Variants in NCALD observed in about 807,000 individuals in gnomAD.
The protein encoded by NCALD is neurocalcin-delta.
A neutral mutation model predicts 18.6 loss-of-function variants in NCALD; 10 were observed. The observed-to-expected ratio is 0.54, with a 90% CI of 0.33 to 0.91. The LOEUF (loss-of-function observed/expected upper bound fraction) is 0.91, where lower values mean the gene tolerates loss of function less well. Ranked by LOEUF, NCALD falls within the 40% of genes least tolerant of loss-of-function variation. The pLI, the probability that NCALD is intolerant of heterozygous loss-of-function variation, is 0.03. For synonymous variants in NCALD, 88 were observed against 87.4 expected (o/e 1.01, Z -0.04); for missense variants, 184 against 247.6 (o/e 0.74, Z 1.72).
At chr8:101,934,454 C>A (rs746837113) in intron 2 of NCALD, among the ~76,000 whole-genome samples, 1 of 152,016 alleles carries the variant, frequency 6.6e-6, no homozygotes, top group Non-Finnish European at 1.5e-5. Flanking sequence ...GAAATAAAAA[C>A]AGAGCCCTGG....
At chr8:101,827,340 G>A (rs151010886) in intron 4 of NCALD, among the ~76,000 whole-genome samples, 5 of 152,028 alleles carry the variant, frequency 3.3e-5, no homozygotes, top group African/African-American at 4.8e-5. Context: ...TAATTTAATC[G>A]CCTCTGCAAA....
At position 101,936,191 on chromosome 8, in the gene NCALD, G is replaced by A. The variant is rs575794468; in HGVS notation, c.-156-20333C>T. Among the ~76,000 whole-genome samples, 3 of 152,262 alleles carry A rather than the reference G, an allele frequency of 2.0e-5. No individual in the cohort carries two copies. In the South Asian group the frequency reaches 6.2e-4, roughly 32 times the overall value. On this transcript the variant is annotated intron_variant, in intron 2 of 6. Coordinates refer to the NCALD transcript ENST00000311028. ...TAAGAATGAGAGTAAATTGACTAAG[G>A]AGATTTAGTAGGATTCTAACATGGC...
intron 3 of NCALD, among the ~76,000 whole-genome samples, chr8:101,894,019 A>G (rs1817035345): frequency 6.8e-6 from 1 of 147,714 alleles, no homozygotes; most frequent in South Asian, 2.1e-4. Context: ...TGGACCTAAT[A>G]GACATCTACA....
At chr8:101,784,656 C>T (rs551055313) in intron 1 of NCALD, among the ~76,000 whole-genome samples, 1 of 152,016 alleles carries the variant, frequency 6.6e-6, no homozygotes, top group African/African-American at 2.4e-5. Flanking sequence ...AAAAATTTAG[C>T]TGGGCATGGT....
chr8:101,689,447 C>A lies in NCALD; in HGVS notation c.485-41G>T. The A allele has an allele frequency of 6.7e-7, 1 of 1,485,812 alleles. No individual in the cohort carries two copies. Among genetic ancestry groups the A allele is most frequent in the Non-Finnish European group, 9.2e-7 (1 of 1,083,500 alleles). 92.0% of individuals were successfully genotyped at this position (1,485,812 alleles called of 1,614,324 possible). ...ACAGGTGAGTGGTGGCTGGTGGCAG[C>A]TGCATGAGCTTACACCCTTCCCACT... On this transcript the variant is annotated intron_variant, in intron 3 of 3. Coordinates refer to ENST00000220931, the MANE Select transcript of NCALD (RefSeq NM_032041.3). The surrounding 1 kb of genome is among the most constrained non-coding windows in gnomAD (Gnocchi z 4.4).
At chr8:102,091,542 CA>C (rs1275145068) in intron 1 of NCALD, among the ~76,000 whole-genome samples, 1 of 152,186 alleles carries the variant, frequency 6.6e-6, no homozygotes, top group East Asian at 1.9e-4. Context: ...CCCATATCAG[CA>C]TGGTTTCAAC....
At position 101,907,968 on chromosome 8, in the gene NCALD, C is replaced by T. The variant is rs193196620; in HGVS notation, c.-107+7841G>A. Among the ~76,000 whole-genome samples the T allele has an allele frequency of 3.3e-5, 5 of 152,324 alleles. No individual in the cohort carries two copies. The East Asian group carries it at 7.7e-4, about 23-fold the overall frequency. On this transcript the variant is annotated intron_variant, in intron 3 of 6. Transcript: ENST00000311028. The stretch of plus-strand genomic sequence containing the variant: ...TTCCACAAGGGAGTAGGGCTCCCCC[C>T]ATTCTTTAAAATAGAGCAGCTCAAA...
chr8:101,850,619 T>C (rs2131329114), intron 4 of NCALD, among the ~76,000 whole-genome samples: 1 of 152,270 alleles, frequency 6.6e-6, no homozygotes, highest in South Asian at 2.1e-4. Flanking sequence ...TCTTGAGCCA[T>C]AATAAGGTAG....
chr8:101,990,255 T>C (rs976685967), intron 2 of NCALD, among the ~76,000 whole-genome samples: 12 of 152,176 alleles, frequency 7.9e-5, no homozygotes, highest in African/African-American at 2.9e-4. Flanking sequence ...AACGTGATGA[T>C]AGCCTTGAGA....
intron 2 of NCALD, among the ~76,000 whole-genome samples, chr8:101,966,311 A>T (rs1820028071): frequency 6.6e-6 from 1 of 152,078 alleles, no homozygotes; most frequent in South Asian, 2.1e-4. Context: ...ATAAAAAAGG[A>T]TGAGTTCATG....
At chr8:102,052,383 T>G (rs1410827802) in intron 1 of NCALD, among the ~76,000 whole-genome samples, 2 of 152,212 alleles carry the variant, frequency 1.3e-5, no homozygotes, top group African/African-American at 2.4e-5. Flanking sequence ...CACAACTCCA[T>G]TCACAGGCTC....
chr8:101,720,409 T>A (rs1467892073), intron 1 of NCALD, among the ~76,000 whole-genome samples: 1 of 152,186 alleles, frequency 6.6e-6, no homozygotes, highest in Non-Finnish European at 1.5e-5. Context: ...TATAGTAACA[T>A]AGTAAAAGAG....
intron 1 of NCALD, among the ~76,000 whole-genome samples, chr8:101,787,456 T>TA (rs1812271789): frequency 6.6e-6 from 1 of 152,170 alleles, no homozygotes; most frequent in African/African-American, 2.4e-5. Context: ...CCCATTCTCT[T>TA]ACGCGGAGAC....
intron 4 of NCALD, among the ~76,000 whole-genome samples, chr8:101,850,402 G>C (rs191593071): frequency 1.4e-4 from 22 of 152,274 alleles, no homozygotes; most frequent in Admixed American, 5.9e-4. Flanking sequence ...GAGAGAAAAA[G>C]AGAACAAGTA....
chr8:102,113,979 G>A (rs1413487596), intron 1 of NCALD, among the ~76,000 whole-genome samples: 1 of 152,258 alleles, frequency 6.6e-6, no homozygotes, highest in African/African-American at 2.4e-5. Context: ...AGTAGCGAGT[G>A]TATCCCCTCA....
chr8:101,929,659 G>A (rs1347121697), intron 2 of NCALD, among the ~76,000 whole-genome samples: 3 of 119,730 alleles, frequency 2.5e-5, no homozygotes, highest in Non-Finnish European at 3.6e-5. Flanking sequence ...GAGGGAGGAA[G>A]GAAGGAAAGG....
intron 1 of NCALD, among the ~76,000 whole-genome samples, chr8:102,050,826 A>G (rs948355049): frequency 6.8e-6 from 1 of 146,266 alleles, no homozygotes; most frequent in Non-Finnish European, 1.5e-5. Flanking sequence ...TTTTTAATTT[A>G]ATTAATTTAA....
At chr8:101,968,428 G>A (rs1820113693) in intron 2 of NCALD, among the ~76,000 whole-genome samples, 1 of 152,086 alleles carries the variant, frequency 6.6e-6, no homozygotes, top group South Asian at 2.1e-4. Context: ...GATTTTCCAG[G>A]CTGGAGTTTA....
intron 1 of NCALD, among the ~76,000 whole-genome samples, chr8:101,720,178 A>T (rs1398231435): frequency 2.6e-5 from 4 of 152,224 alleles, no homozygotes; most frequent in African/African-American, 9.6e-5. Flanking sequence ...AAACACAGAC[A>T]TAAAGACAGA....
Sources: gnomAD v4.1 joint callset for allele counts (sites outside exome capture counted in the v4.1 genomes callset) on GRCh38, gnomAD v4.1.1 for gene constraint, Gnocchi (gnomAD v3.1) non-coding constraint, MANE v1.5 for transcripts, NCBI Gene and HGNC (gene_info 2026-07-23, HGNC 2026-07-21) for gene names.